The following ENTPD1 variants were observed in gnomAD, a reference collection of about 807,000 sequenced individuals.
ENTPD1 encodes ATP diphosphohydrolase.
A neutral mutation model predicts 57.0 loss-of-function variants in ENTPD1; 33 were observed. The ratio of observed to expected loss-of-function variants is 0.58; its 90% CI spans 0.44 to 0.77. The LOEUF is 0.77. Ranked by LOEUF, ENTPD1 falls within the 30% of genes least tolerant of loss-of-function variation. The pLI is 0.00. For missense variants in ENTPD1, 501 were observed against 603.4 expected (o/e 0.83, Z 1.78); for synonymous variants, 202 against 218.8 (o/e 0.92, Z 0.68).
chr10:95,783,872 A>C (rs914128563), intron 1 of ENTPD1, among the ~76,000 whole-genome samples: 2 of 152,156 alleles, frequency 1.3e-5, no homozygotes, highest in Non-Finnish European at 2.9e-5. Flanking sequence ...TCTAGTTACT[A>C]CTGATTATGG....
the ENTPD1 span, among the ~76,000 whole-genome samples, chr10:95,702,178 A>G: frequency 2.6e-5 from 4 of 152,060 alleles, no homozygotes; most frequent in Non-Finnish European, 5.9e-5. Flanking sequence ...AAAAACACAA[A>G]TTAATAATAT....
chr10:95,834,833 C>G (rs893299674), intron 2 of ENTPD1, among the ~76,000 whole-genome samples: 4 of 151,994 alleles, frequency 2.6e-5, no homozygotes, highest in African/African-American at 9.7e-5. Context: ...ACCAGCACTT[C>G]TATCCATGCA....
chr10:95,839,461 G>A (rs2098418100), intron 2 of ENTPD1: 1 of 559,818 alleles, frequency 1.8e-6, no homozygotes. Context: ...GCCCTGTTCT[G>A]CATAAGGTCT....
At chr10:95,777,836 G>A (rs2098140121) in intron 1 of ENTPD1, among the ~76,000 whole-genome samples, 1 of 152,222 alleles carries the variant, frequency 6.6e-6, no homozygotes, top group Non-Finnish European at 1.5e-5. Flanking sequence ...AGGACACTTT[G>A]TTTACCTACT....
intron 6 of ENTPD1, chr10:95,845,867 T>C (rs923655135): frequency 4.0e-6 from 2 of 502,170 alleles, no homozygotes; most frequent in Non-Finnish European, 7.2e-6. Flanking sequence ...GTGGGGTTGA[T>C]AATGAAAATT....
At chr10:95,733,100 T>G (rs2097991025) in intron 1 of ENTPD1, among the ~76,000 whole-genome samples, 1 of 152,198 alleles carries the variant, frequency 6.6e-6, no homozygotes, top group African/African-American at 2.4e-5. Context: ...ATTTCATCCC[T>G]TATCTTCAAC....
Position 95,868,210 on chromosome 10 carries a change from T to A in ENTPD1, c.*1827T>A. 2.0e-6 allele frequency: 2 copies of A among 985,482 alleles called. No individual in the cohort carries two copies. The highest frequency in any genetic ancestry group is 2.4e-6 in the Non-Finnish European group (2 of 829,936). The allele number at this position is 985,482 out of a possible 1,614,324, so 61.0% of individuals were successfully genotyped here. A position where few individuals can be genotyped will look rare whatever the true frequency, so the allele number is the denominator to read the frequency against. ...TTGCCCAAATGGCTGAGCCAAAGCC[T>A]ACCATGTACCTAACCTTTATTTTCT... On this transcript the variant is annotated 3_prime_UTR_variant, in exon 10 of 10. Transcript: ENST00000371205.
Position 95,869,898 on chromosome 10 carries a change from A to G in ENTPD1, c.*3515A>G. The G allele has an allele frequency of 1.1e-6, 1 of 880,934 alleles. No homozygotes were observed. The highest frequency in any genetic ancestry group is 1.4e-6 in the Non-Finnish European group (1 of 734,780). 54.6% of individuals were successfully genotyped at this position (880,934 alleles called of 1,614,324 possible). The stretch of plus-strand genomic sequence containing the variant: ...ACATTTACAGCACATCTTAATTAGG[A>G]CTAGCTGTGTGTTCACCTCACATGT... On this transcript the variant is annotated 3_prime_UTR_variant, in exon 10 of 10. Transcript: ENST00000371205.
chr10:95,863,347 G>A (rs1275457703), intron 8 of ENTPD1, among the ~76,000 whole-genome samples: 1 of 152,182 alleles, frequency 6.6e-6, no homozygotes, highest in African/African-American at 2.4e-5. Flanking sequence ...GTGTCCCATA[G>A]GCATCCTTCA....
chr10:95,783,537 T>C (rs542458629), intron 1 of ENTPD1, among the ~76,000 whole-genome samples: 23 of 152,290 alleles, frequency 1.5e-4, no homozygotes, highest in African/African-American at 5.5e-4. Context: ...TGTGTGAGCA[T>C]GTGTGTATCA....
intron 1 of ENTPD1, among the ~76,000 whole-genome samples, chr10:95,809,393 C>T (rs1417613873): frequency 6.7e-6 from 1 of 149,802 alleles, no homozygotes; most frequent in African/African-American, 2.5e-5. Context: ...CGCCCCCCAC[C>T]CCCCAGACGG....
At chr10:95,783,445 T>C (rs1216356398) in intron 1 of ENTPD1, among the ~76,000 whole-genome samples, 1 of 152,196 alleles carries the variant, frequency 6.6e-6, no homozygotes, top group Non-Finnish European at 1.5e-5. Flanking sequence ...GGCAAAATCT[T>C]GACTAAACTT....
rs772674291 is a variant in ENTPD1, at chr10:95,866,299, A to G, written c.1449A>G (p.Leu483=). The G allele has an allele frequency of 2.5e-6, 4 of 1,614,044 alleles. No homozygotes were observed. Among genetic ancestry groups the G allele is most frequent in the South Asian group, 2.2e-5 (2 of 91,064 alleles). Residue 483 remains leucine (L), a synonymous_variant, in exon 10 of 10, where the codon CTA becomes CTG. Transcript: ENST00000371205. ...CCACCTATGTCTTCCTCATGGTTCT[A>G]TTCTCCCTGGTCCTTTTCACAGTGG... The part of the protein sequence containing the change: ...SHSTYVFLMV[L]FSLVLFTVAI...
chr10:95,808,572 G>T (rs973714523), intron 1 of ENTPD1, among the ~76,000 whole-genome samples: 3 of 152,144 alleles, frequency 2.0e-5, no homozygotes, highest in Admixed American at 1.3e-4. Flanking sequence ...TCAGAAGTGG[G>T]GGAGTTAGTT....
chr10:95,745,061 G>C (rs974287299), intron 1 of ENTPD1, among the ~76,000 whole-genome samples: 1 of 152,128 alleles, frequency 6.6e-6, no homozygotes, highest in Non-Finnish European at 1.5e-5. Context: ...CATAGATAAT[G>C]AGTACTTTGT....
the ENTPD1 span, among the ~76,000 whole-genome samples, chr10:95,698,372 A>T: frequency 2.6e-5 from 4 of 152,352 alleles, no homozygotes; most frequent in African/African-American, 9.6e-5. Flanking sequence ...ATTTATCATG[A>T]AAAGGGAAGC....
Position 95,869,137 on chromosome 10 carries a change from T to C in ENTPD1, c.*2754T>C, listed in dbSNP as rs1299682312. ...CCCAGGACTCAAAACTTGGTTCTGCTAACCCTGTTCCTTTATGAGGAACCT... is the reference window on the plus strand; with the variant it reads ...CCCAGGACTCAAAACTTGGTTCTGCCAACCCTGTTCCTTTATGAGGAACCT... On this transcript the variant is annotated 3_prime_UTR_variant, in exon 10 of 10. Coordinates refer to ENST00000371205, the MANE Select transcript of ENTPD1 (RefSeq NM_001776.6). 1 of 985,006 alleles carries C rather than the reference T, an allele frequency of 1.0e-6. No individual in the cohort carries two copies. The highest frequency in any genetic ancestry group is 1.8e-5 in the African/African-American group (1 of 57,140). 61.0% of individuals were successfully genotyped at this position (985,006 alleles called of 1,614,324 possible).
chr10:95,827,826 T>C (rs1566204154), intron 2 of ENTPD1, among the ~76,000 whole-genome samples: 1 of 152,254 alleles, frequency 6.6e-6, no homozygotes, highest in East Asian at 1.9e-4. Flanking sequence ...TCTTTTTTCA[T>C]ACTATCTTCA....
At chr10:95,858,024 G>A (rs181723839) in intron 7 of ENTPD1, among the ~76,000 whole-genome samples, 93 of 152,224 alleles carry the variant, frequency 6.1e-4, no homozygotes, top group African/African-American at 2.2e-3. Context: ...CGGGCGTGGT[G>A]GCAGGCGCCT....
Sources: allele counts gnomAD v4.1 joint callset (sites outside exome capture counted in the v4.1 genomes callset), GRCh38; gene constraint gnomAD v4.1.1; transcripts MANE v1.5; gene names NCBI Gene and HGNC (gene_info 2026-07-23, HGNC 2026-07-21).